RNF214: variants seen among roughly 807,000 people sequenced by gnomAD.
The protein encoded by RNF214 is ring finger protein 214.
Under a neutral mutation model 75.9 loss-of-function variants are expected in RNF214, and 25 were observed. The ratio of observed to expected loss-of-function variants is 0.33; its 90% CI spans 0.24 to 0.46. The LOEUF (loss-of-function observed/expected upper bound fraction) is 0.46. Among genes scored for constraint, RNF214 ranks in the 20% least tolerant of loss-of-function variants. RNF214 has a pLI of 1.00. For synonymous variants in RNF214, 314 were observed against 308.8 expected, an observed-to-expected ratio of 1.02 and a Z score of -0.18; for missense variants, 725 against 857.5, an observed-to-expected ratio of 0.85 and a Z score of 1.93.
Position 117,238,965 on chromosome 11 carries a change from T to G in RNF214, c.472T>G (p.Ser158Ala). ...CTCTGAAGAGAAATCCCCACAAACC[T>G]CCATCCTAAAGGAAGGTAACAGGGA... The part of the protein sequence containing the change: ...NCSEEKSPQT[S>A]ILKEGNRDTS... Residue 158 changes from serine (S) to alanine (A), a missense_variant, in exon 3 of 15, where the codon TCC becomes GCC. Ser to Ala is a moderately conservative substitution (Grantham distance 99, BLOSUM62 1). Coordinates refer to ENST00000300650, the MANE Select transcript of RNF214 (RefSeq NM_207343.4). The G allele has an allele frequency of 6.2e-7, 1 of 1,614,022 alleles. No homozygotes were observed. Among genetic ancestry groups the G allele is most frequent in the South Asian group, 1.1e-5 (1 of 91,082 alleles).
At position 117,281,716 on chromosome 11, in the gene RNF214, G is replaced by T; in HGVS notation, c.1335+18G>T. On this transcript the variant is annotated intron_variant, in intron 10 of 14. Coordinates refer to ENST00000300650, the MANE Select transcript of RNF214 (RefSeq NM_207343.4). ...CATCAGAGGTAAGAGAGTGGCTTTG[G>T]GGGGAAGTTCACCTTTCTGTGTTGG... The T allele has an allele frequency of 3.8e-6, 6 of 1,592,728 alleles. No individual in the cohort carries two copies. The highest frequency in any genetic ancestry group is 2.2e-5 in the South Asian group (2 of 90,510).
intron 6 of RNF214, among the ~76,000 whole-genome samples, chr11:117,248,492 TTG>T (rs2033287935): frequency 6.6e-6 from 1 of 152,238 alleles, no homozygotes; most frequent in African/African-American, 2.4e-5. Context: ...ATTTTGGCTT[TTG>T]CTAATGCGTC....
rs2134376112 is a variant in RNF214 at position 117,251,254 on chromosome 11, TGA to T, written c.959+4307_959+4308del. ...TGGCCGGGCGGGGGGCTGACCCCGC[TGA>T]CCCCCCCACCTCCCTCCGGGACGGG... On this transcript the variant is annotated intron_variant, in intron 6 of 14. Coordinates refer to ENST00000300650, the MANE Select transcript of RNF214 (RefSeq NM_207343.4). 8.1e-5 allele frequency among the ~76,000 whole-genome samples: 2 copies of T among 24,834 alleles called. 1 individual carries two copies. Among genetic ancestry groups the T allele is most frequent in the East Asian group, 1.8e-3 (2 of 1,134 alleles). The allele number at this position is 24,834 out of a possible 152,430, so 16.3% of individuals were successfully genotyped here. A position where few individuals can be genotyped will look rare whatever the true frequency, so the allele number is the denominator to read the frequency against.
At chr11:117,252,760 T>TC (rs1213637987) in intron 6 of RNF214, among the ~76,000 whole-genome samples, 2 of 152,174 alleles carry the variant, frequency 1.3e-5, no homozygotes, top group African/African-American at 4.8e-5. Flanking sequence ...GACCTCCTGT[T>TC]CCGCCCGCCT....
intron 1 of RNF214, among the ~76,000 whole-genome samples, chr11:117,234,020 A>G (rs2032824970): frequency 6.6e-6 from 1 of 152,252 alleles, no homozygotes; most frequent in Non-Finnish European, 1.5e-5. Context: ...AGTGAAAATA[A>G]GATCTTTGCA....
chr11:117,263,782 G>A, intron 6 of RNF214: 1 of 186,652 alleles, frequency 5.4e-6, no homozygotes, highest in South Asian at 8.9e-5. Flanking sequence ...TTGTTATGTA[G>A]GTAAAAATCT....
rs192752693 is a variant in RNF214, at chr11:117,278,908, A to G, written c.960-1000A>G. Among the ~76,000 whole-genome samples the G allele has an allele frequency of 6.0e-4, 92 of 152,248 alleles. 1 individual carries two copies. Among genetic ancestry groups the G allele is most frequent in the Middle Eastern group, 3.4e-3 (1 of 294 alleles). Reference sequence around the variant, plus strand: ...GAGTTTGAGAACAGCCTGTAGAACAAAGTGAGACCCCTGTCTCTACAAAAA... The same window carrying G: ...GAGTTTGAGAACAGCCTGTAGAACAGAGTGAGACCCCTGTCTCTACAAAAA... On this transcript the variant is annotated intron_variant, in intron 6 of 14. Transcript: ENST00000300650.
chr11:117,275,815 A>G (rs2034005727), intron 6 of RNF214, among the ~76,000 whole-genome samples: 1 of 152,242 alleles, frequency 6.6e-6, no homozygotes, highest in Admixed American at 6.5e-5. Context: ...AGACATTCAA[A>G]GAACTGATAC....
At chr11:117,243,147 A>T (rs1784040) in intron 4 of RNF214, among the ~76,000 whole-genome samples, 26,901 of 150,312 alleles carry the variant, frequency 0.18, 2,739 homozygotes, top group Non-Finnish European at 0.23. Flanking sequence ...TTAATTAATT[A>T]ATTTATTTAT....
At chr11:117,284,200 G>A (rs2134426253) in intron 14 of RNF214, among the ~76,000 whole-genome samples, 1 of 152,296 alleles carries the variant, frequency 6.6e-6, no homozygotes, top group African/African-American at 2.4e-5. Flanking sequence ...GGAATGGAAT[G>A]GAGGACCTGA....
At chr11:117,269,984 A>T (rs2033875043) in intron 6 of RNF214, among the ~76,000 whole-genome samples, 2 of 152,160 alleles carry the variant, frequency 1.3e-5, no homozygotes, top group Non-Finnish European at 2.9e-5. Flanking sequence ...GGACGTGTTG[A>T]TGACTTCCAG....
chr11:117,235,146 T>C (rs889759917), intron 2 of RNF214, among the ~76,000 whole-genome samples: 1 of 152,248 alleles, frequency 6.6e-6, no homozygotes, highest in Non-Finnish European at 1.5e-5. Context: ...TCAGTACAGA[T>C]GCAACCATCC....
At chr11:117,237,308 T>C (rs1197686138) in intron 2 of RNF214, among the ~76,000 whole-genome samples, 1 of 152,238 alleles carries the variant, frequency 6.6e-6, no homozygotes, top group Non-Finnish European at 1.5e-5. Context: ...CTTGAACTCC[T>C]GACCTCAAAT....
chr11:117,259,786 T>C (rs1213581213), intron 6 of RNF214, among the ~76,000 whole-genome samples: 1 of 152,172 alleles, frequency 6.6e-6, no homozygotes, highest in Non-Finnish European at 1.5e-5. Context: ...GTTTTTATTG[T>C]TGTGTAGTAG....
At chr11:117,240,931 C>T (rs553724498) in intron 4 of RNF214, among the ~76,000 whole-genome samples, 120 of 152,170 alleles carry the variant, frequency 7.9e-4, no homozygotes, top group Middle Eastern at 3.4e-3. Flanking sequence ...GTAATCCTAG[C>T]GCTTTGGGAG....
Position 117,237,320 on chromosome 11 carries a change from A to T in RNF214, c.108-1281A>T, listed in dbSNP as rs553448956. 8.5e-5 allele frequency among the ~76,000 whole-genome samples: 13 copies of T among 152,282 alleles called. No homozygotes were observed. In the East Asian group the frequency reaches 2.5e-3, roughly 29 times the overall value. ...AGTCTTGAACTCCTGACCTCAAATGATCCTCCTGCCTTGACCTCCCAAAGT... is the reference window on the plus strand; with the variant it reads ...AGTCTTGAACTCCTGACCTCAAATGTTCCTCCTGCCTTGACCTCCCAAAGT... On this transcript the variant is annotated intron_variant, in intron 2 of 14. Transcript: ENST00000300650.
Position 117,243,698 on chromosome 11 carries a change from G to C in RNF214, c.679-747G>C, listed in dbSNP as rs139625624. Among the ~76,000 whole-genome samples the C allele has an allele frequency of 6.4e-3, 975 of 152,188 alleles. 6 individuals carry two copies. Among genetic ancestry groups the C allele is most frequent in the African/African-American group, 0.021 (873 of 41,526 alleles). On this transcript the variant is annotated intron_variant, in intron 4 of 14. Coordinates refer to ENST00000300650, the MANE Select transcript of RNF214 (RefSeq NM_207343.4). The stretch of plus-strand genomic sequence containing the variant: ...GGGTGGCAGAGCTAAACTGTTTTCA[G>C]AAGCACTTCTATTTATTTATTTATT...
chr11:117,250,016 G>C (rs2033329254), intron 6 of RNF214, among the ~76,000 whole-genome samples: 1 of 152,206 alleles, frequency 6.6e-6, no homozygotes, highest in Non-Finnish European at 1.5e-5. Flanking sequence ...CTATGAGCCA[G>C]ACAGTAGGGC....
rs2033002511 is a variant in RNF214 at position 117,239,180 on chromosome 11, C to T, written c.618+69C>T. On this transcript the variant is annotated intron_variant, in intron 3 of 14. Transcript: ENST00000300650. ...GTGGGGTTCAGGGTGGGAGATATTT[C>T]TTCATATTTGGTGGAGAACTTGCTG... 9.6e-6 allele frequency: 14 copies of T among 1,461,736 alleles called. No homozygotes were observed. The South Asian group carries it at 1.6e-4, about 17-fold the overall frequency. 90.5% of individuals were successfully genotyped at this position (1,461,736 alleles called of 1,614,324 possible).
Sources: allele counts gnomAD v4.1 joint callset (sites outside exome capture counted in the v4.1 genomes callset), GRCh38; gene constraint gnomAD v4.1.1; transcripts MANE v1.5; gene names NCBI Gene and HGNC (gene_info 2026-07-23, HGNC 2026-07-21).